The following CYSLTR2 variants were observed in gnomAD, a reference collection of about 807,000 sequenced individuals.
CYSLTR2 encodes the protein cysteinyl leukotriene receptor 2.
For synonymous variants in CYSLTR2, 179 were observed against 160.8 expected (o/e 1.11, Z -0.86); for missense variants, 398 against 411.9 (o/e 0.97, Z 0.29).
chr13:48,704,276 C>T (rs758456910), intron 4 of CYSLTR2, among the ~76,000 whole-genome samples: 6 of 152,114 alleles, frequency 3.9e-5, no homozygotes, highest in African/African-American at 7.2e-5. Context: ...TATAATCTCA[C>T]GGTTTGAAGG....
chr13:48,654,927 T>C (rs1007758331), intron 1 of CYSLTR2, among the ~76,000 whole-genome samples: 38 of 152,324 alleles, frequency 2.5e-4, no homozygotes, highest in Admixed American at 9.8e-4. Flanking sequence ...CTCTGAAATA[T>C]ACCTGAGAGT....
At chr13:48,673,820 G>T (rs1476024931) in intron 1 of CYSLTR2, among the ~76,000 whole-genome samples, 1 of 152,118 alleles carries the variant, frequency 6.6e-6, no homozygotes, top group Non-Finnish European at 1.5e-5. Context: ...AGGCCTGGTG[G>T]TGACAAAATC....
intron 1 of CYSLTR2, among the ~76,000 whole-genome samples, chr13:48,673,437 T>C (rs1953502644): frequency 7.3e-6 from 1 of 136,964 alleles, no homozygotes; most frequent in Non-Finnish European, 1.6e-5. Context: ...CCCCGGCTTT[T>C]TTTTTTTTTT....
intron 1 of CYSLTR2, among the ~76,000 whole-genome samples, chr13:48,676,241 T>C (rs779011151): frequency 3.3e-5 from 5 of 152,226 alleles, no homozygotes; most frequent in African/African-American, 1.2e-4. Flanking sequence ...TCCCTGATTG[T>C]ACAGCTCCAC....
chr13:48,663,708 G>T (rs1566081308), intron 1 of CYSLTR2, among the ~76,000 whole-genome samples: 1 of 151,912 alleles, frequency 6.6e-6, no homozygotes, highest in Non-Finnish European at 1.5e-5. Flanking sequence ...CAACTTTATT[G>T]AATGATTTAT....
At chr13:48,687,233 A>G (rs1953915837) in intron 1 of CYSLTR2, among the ~76,000 whole-genome samples, 1 of 151,942 alleles carries the variant, frequency 6.6e-6, no homozygotes, top group African/African-American at 2.4e-5. Flanking sequence ...ACTGAGCCAC[A>G]CTGTTAGCAT....
intron 4 of CYSLTR2, 95 bp from the exon 5 acceptor site, chr13:48,706,722 G>C: frequency 2.0e-6 from 2 of 1,003,654 alleles, no homozygotes; most frequent in Non-Finnish European, 3.0e-6. Context: ...ATTGCTCCCT[G>C]TTTCATTAAA....
chr13:48,705,096 A>G (rs1954446487), intron 4 of CYSLTR2, among the ~76,000 whole-genome samples: 1 of 151,072 alleles, frequency 6.6e-6, no homozygotes, highest in African/African-American at 2.4e-5. Flanking sequence ...CAGTTTTGCA[A>G]CTCTGTTGTT....
chr13:48,707,890 C>A lies in CYSLTR2; in HGVS notation c.*32C>A. On this transcript the variant is annotated 3_prime_UTR_variant, in exon 5 of 5. Coordinates refer to ENST00000682523, the MANE Select transcript of CYSLTR2 (RefSeq NM_001308476.3). ...CTTAGATGAGACCTGTTCTTGTATC[C>A]TTGTGTCCATCTTCATTCACTCATA... is the stretch of plus-strand genomic sequence containing the variant. The A allele has an allele frequency of 1.4e-6, 2 of 1,469,814 alleles. No individual in the cohort carries two copies. Among genetic ancestry groups the A allele is most frequent in the Non-Finnish European group, 1.8e-6 (2 of 1,101,346 alleles). 91.0% of individuals were successfully genotyped at this position (1,469,814 alleles called of 1,614,324 possible).
chr13:48,691,677 T>C (rs1247298450), intron 2 of CYSLTR2, among the ~76,000 whole-genome samples: 3 of 151,986 alleles, frequency 2.0e-5, no homozygotes, highest in African/African-American at 4.8e-5. Context: ...AGACTTCTCA[T>C]GACAAAAAAG....
chr13:48,671,774 A>G (rs938861512), intron 1 of CYSLTR2, among the ~76,000 whole-genome samples: 5 of 152,190 alleles, frequency 3.3e-5, no homozygotes, highest in African/African-American at 7.2e-5. Flanking sequence ...TTTTAGCATC[A>G]GGATGATGCT....
intron 1 of CYSLTR2, among the ~76,000 whole-genome samples, chr13:48,658,501 G>A (rs1402865752): frequency 6.6e-6 from 1 of 152,224 alleles, no homozygotes; most frequent in African/African-American, 2.4e-5. Context: ...GGGTACAGCA[G>A]TAGACACGTG....
chr13:48,681,252 A>C (rs1953748096), intron 1 of CYSLTR2, among the ~76,000 whole-genome samples: 1 of 152,128 alleles, frequency 6.6e-6, no homozygotes, highest in Admixed American at 6.6e-5. Flanking sequence ...CGTTGCTCTG[A>C]TCTTGATCTT....
chr13:48,673,433 C>CTTTTTTTTTTT lies in CYSLTR2; in HGVS notation c.-265-17764_-265-17754dup, dbSNP rs61699943. 1.5e-3 allele frequency among the ~76,000 whole-genome samples: 72 copies of CTTTTTTTTTTT among 48,326 alleles called. 1 individual carries two copies. Among genetic ancestry groups the CTTTTTTTTTTT allele is most frequent in the African/African-American group, 1.8e-3 (24 of 13,026 alleles). The allele number at this position is 48,326 out of a possible 152,430, so 31.7% of individuals were successfully genotyped here. A position where few individuals can be genotyped will look rare whatever the true frequency, so the allele number is the denominator to read the frequency against. Reference sequence around the variant, plus strand: ...TCAGAGACTAGGATTGTAACCCCGGCTTTTTTTTTTTTTTTTTTTTTTTTT... The same window carrying CTTTTTTTTTTT: ...TCAGAGACTAGGATTGTAACCCCGGCTTTTTTTTTTTTTTTTTTTTTTTTTTTTTTTTTTTT... On this transcript the variant is annotated intron_variant, in intron 1 of 4. Coordinates refer to ENST00000682523, the MANE Select transcript of CYSLTR2 (RefSeq NM_001308476.3).
intron 1 of CYSLTR2, 58 bp downstream of exon 1, chr13:48,654,075 C>T (rs192451267): frequency 6.6e-6 from 1 of 152,208 alleles, no homozygotes; most frequent in Admixed American, 6.5e-5. Flanking sequence ...ACTTGATGAT[C>T]ACATAATAGT....
At chr13:48,673,111 T>A (rs1953487462) in intron 1 of CYSLTR2, among the ~76,000 whole-genome samples, 1 of 152,190 alleles carries the variant, frequency 6.6e-6, no homozygotes, top group African/African-American at 2.4e-5. Flanking sequence ...TCTGTAGATG[T>A]CTATTAGGTC....
At chr13:48,695,067 C>CCTTTTTTTTTTT (rs1278951741) in intron 3 of CYSLTR2, among the ~76,000 whole-genome samples, 1 of 83,698 alleles carries the variant, frequency 1.2e-5, no homozygotes, top group Non-Finnish European at 2.6e-5. Context: ...CAGAACCTGG[C>CCTTTTTTTTTTT]ATTTTTTTTT....
At chr13:48,667,817 C>G (rs1356372317) in intron 1 of CYSLTR2, among the ~76,000 whole-genome samples, 1 of 152,148 alleles carries the variant, frequency 6.6e-6, no homozygotes, top group African/African-American at 2.4e-5. Flanking sequence ...GATAAACATA[C>G]AGTACTATTG....
intron 1 of CYSLTR2, among the ~76,000 whole-genome samples, chr13:48,658,362 G>A (rs1441320081): frequency 9.8e-5 from 15 of 152,286 alleles, no homozygotes; most frequent in South Asian, 2.1e-4. Flanking sequence ...TAAAAACCAT[G>A]TGAGTTCTTT....
Sources: allele counts gnomAD v4.1 joint callset (sites outside exome capture counted in the v4.1 genomes callset), GRCh38; gene constraint gnomAD v4.1.1; transcripts MANE v1.5; gene names NCBI Gene and HGNC (gene_info 2026-07-23, HGNC 2026-07-21).